Variants in TUBGCP4 observed in about 807,000 individuals in gnomAD.
The protein encoded by TUBGCP4 is gamma-tubulin complex component 4.
In TUBGCP4, 54 loss-of-function variants were observed where a neutral mutation model predicts 91.6. The ratio of observed to expected loss-of-function variants is 0.59; its 90% CI spans 0.47 to 0.74. The LOEUF is 0.74. TUBGCP4 is among the 30% of genes least tolerant of loss of function. TUBGCP4 has a pLI of 0.00. For missense variants in TUBGCP4, 593 were observed against 800.9 expected (o/e 0.74, Z 3.13); for synonymous variants, 297 against 302.8 (o/e 0.98, Z 0.20).
At chr15:43,402,839 GGTT>G in intron 15 of TUBGCP4, 1 of 152,310 alleles carries the variant, frequency 6.6e-6, no homozygotes. Flanking sequence ...GACATGAGCT[GGTT>G]GTTATTCCTC....
At chr15:43,382,822 T>A (rs1457239050) in intron 6 of TUBGCP4, among the ~76,000 whole-genome samples, 2 of 152,184 alleles carry the variant, frequency 1.3e-5, no homozygotes, top group Admixed American at 1.3e-4. Flanking sequence ...ATTCTGCATT[T>A]TGTTTTAGTT....
intron 1 of TUBGCP4, among the ~76,000 whole-genome samples, chr15:43,375,660 A>G (rs934406988): frequency 6.6e-6 from 1 of 152,342 alleles, no homozygotes; most frequent in African/African-American, 2.4e-5. Flanking sequence ...GAAAACTTCT[A>G]TAGGGAATTT....
chr15:43,395,077 T>C, intron 9 of TUBGCP4, 30 bp from the exon 10 acceptor site: 1 of 1,613,360 alleles, frequency 6.2e-7, no homozygotes, highest in Non-Finnish European at 8.5e-7. Context: ...GTAATGAAAT[T>C]TGTCCCTGTT....
Position 43,371,440 on chromosome 15 carries a change from C to T in TUBGCP4, c.78+8C>T, listed in dbSNP as rs762807310. 6.2e-7 allele frequency: 1 copy of T among 1,613,916 alleles called. No homozygotes were observed. Among genetic ancestry groups the T allele is most frequent in the East Asian group, 2.2e-5 (1 of 44,856 alleles). On this transcript the variant is annotated splice_region_variant and intron_variant, in intron 1 of 17. Coordinates refer to ENST00000564079, the MANE Select transcript of TUBGCP4 (RefSeq NM_014444.5). ...AAGCGGAGTGGCCTGCAGGTACTGT[C>T]CGGCGCAGAGCGCGGGAACCAGGGA...
At position 43,407,723 on chromosome 15, in the gene TUBGCP4, G is replaced by GAGTT. The variant is rs1205555158; in HGVS notation, c.*2511_*2514dup. The stretch of plus-strand genomic sequence containing the variant: ...CTGCTACTGATCATGACCAAAGGCA[G>GAGTT]AGTTATAATCACTATGTGCTGACCT... On this transcript the variant is annotated 3_prime_UTR_variant, in exon 18 of 18. Coordinates refer to ENST00000564079, the MANE Select transcript of TUBGCP4 (RefSeq NM_014444.5). The GAGTT allele has an allele frequency of 8.5e-6, 7 of 823,202 alleles. No homozygotes were observed. Among genetic ancestry groups the GAGTT allele is most frequent in the African/African-American group, 5.2e-5 (3 of 57,992 alleles). The allele number at this position is 823,202 out of a possible 1,614,324, so 51.0% of individuals were successfully genotyped here. A position where few individuals can be genotyped will look rare whatever the true frequency, so the allele number is the denominator to read the frequency against.
chr15:43,397,984 G>A, intron 12 of TUBGCP4, 57 bp from the exon 13 acceptor site: 3 of 1,552,628 alleles, frequency 1.9e-6, no homozygotes, highest in South Asian at 2.4e-5. Context: ...TGAGTCTCTG[G>A]TTCTAGATTA....
intron 1 of TUBGCP4, among the ~76,000 whole-genome samples, chr15:43,371,802 C>T (rs2044128045): frequency 6.6e-6 from 1 of 152,128 alleles, no homozygotes. Flanking sequence ...ATACACAGCT[C>T]CCAAACACAT....
chr15:43,385,604 T>C, intron 7 of TUBGCP4, 187 bp from the exon 8 acceptor site: 1 of 611,578 alleles, frequency 1.6e-6, no homozygotes, highest in Non-Finnish European at 2.9e-6. Context: ...ATTTCCACCA[T>C]GCCACTCTGC....
intron 13 of TUBGCP4, chr15:43,399,041 T>G: frequency 1.3e-6 from 1 of 785,880 alleles, no homozygotes; most frequent in Non-Finnish European, 1.8e-6. Context: ...CTAAAAATTA[T>G]CTTTATGTTT....
At chr15:43,401,959 A>T in intron 15 of TUBGCP4, 109 bp downstream of exon 15, 1 of 1,396,300 alleles carries the variant, frequency 7.2e-7, no homozygotes, top group Non-Finnish European at 9.7e-7. Flanking sequence ...ATTCAAGTCC[A>T]TTTTAAAACA....
chr15:43,373,052 T>A (rs192422783), intron 1 of TUBGCP4, among the ~76,000 whole-genome samples: 1 of 152,308 alleles, frequency 6.6e-6, no homozygotes, highest in Non-Finnish European at 1.5e-5. Context: ...CTTTTACATT[T>A]GAGTAAAGGG....
chr15:43,399,072 C>G (rs1469641189), intron 13 of TUBGCP4: 6 of 1,168,340 alleles, frequency 5.1e-6, no homozygotes, highest in African/African-American at 1.6e-5. Flanking sequence ...AAATCAGTTT[C>G]CAAACAAGGT....
At chr15:43,396,429 G>T (rs1334056603) in intron 11 of TUBGCP4, among the ~76,000 whole-genome samples, 3 of 152,180 alleles carry the variant, frequency 2.0e-5, no homozygotes, top group African/African-American at 7.2e-5. Flanking sequence ...CATGAGTAGA[G>T]TTGGGTAAGG....
chr15:43,381,436 G>A (rs756755442), intron 6 of TUBGCP4, among the ~76,000 whole-genome samples: 1 of 152,026 alleles, frequency 6.6e-6, no homozygotes, highest in East Asian at 1.9e-4. Context: ...TGAAAGAAAC[G>A]TATAATAAAA....
At chr15:43,391,352 AC>A (rs2044465352) in intron 9 of TUBGCP4, 1 of 152,152 alleles carries the variant, frequency 6.6e-6, no homozygotes, top group Non-Finnish European at 1.5e-5. Context: ...GGTGCAAATC[AC>A]CATGCCCTGC....
In TUBGCP4 at chr15:43,409,771, A is replaced by C. The variant is rs973870372; in HGVS notation, c.*4557A>C. 3.5e-6 allele frequency: 4 copies of C among 1,157,892 alleles called. No individual in the cohort carries two copies. The highest frequency in any genetic ancestry group is 3.7e-6 in the Non-Finnish European group (3 of 820,946). 71.7% of individuals were successfully genotyped at this position (1,157,892 alleles called of 1,614,324 possible). A position where few individuals can be genotyped will look rare whatever the true frequency, so the allele number is the denominator to read the frequency against. Reference sequence around the variant, plus strand: ...ATTAAAAAAAAAAACCAAGATAATAATTACTGAGTGGTTTTCTTATTTGCT... The same window carrying C: ...ATTAAAAAAAAAAACCAAGATAATACTTACTGAGTGGTTTTCTTATTTGCT... On this transcript the variant is annotated 3_prime_UTR_variant, in exon 18 of 18. Coordinates refer to ENST00000564079, the MANE Select transcript of TUBGCP4 (RefSeq NM_014444.5).
Position 43,407,158 on chromosome 15 carries a change from A to ATG in TUBGCP4, c.*1946_*1947dup. The ATG allele has an allele frequency of 5.8e-6, 3 of 515,132 alleles. No individual in the cohort carries two copies. The South Asian group carries it at 7.4e-5, about 13-fold the overall frequency. 31.9% of individuals were successfully genotyped at this position (515,132 alleles called of 1,614,324 possible). The stretch of plus-strand genomic sequence containing the variant: ...TGTTGAAAGACTCAGAGAAAGTACT[A>ATG]TGTCTTGTCATTTGTTCTGAGATTA... On this transcript the variant is annotated 3_prime_UTR_variant, in exon 18 of 18. Transcript: ENST00000564079.
rs201999864 is a variant in TUBGCP4, at chr15:43,404,503, C to T, written c.1939C>T (p.Arg647Ter). Residue 647 changes from arginine to a stop codon, truncating the protein, a stop_gained, in exon 17 of 18, where the codon CGA (arginine) becomes TGA (stop). Transcript: ENST00000564079. LOFTEE classifies it high-confidence loss of function. ...INSDLAQLLL[R>*]LDYNKYYTQA... ...CTCAGATTTGGCTCAACTACTGTTA[C>T]GACTAGATTATAACAAATACTATAC... 39 of 1,613,990 alleles carry T rather than the reference C, an allele frequency of 2.4e-5. No homozygotes were observed. Among genetic ancestry groups the T allele is most frequent in the Non-Finnish European group, 3.1e-5 (37 of 1,180,030 alleles).
chr15:43,378,476 T>A (rs955136663), intron 5 of TUBGCP4, among the ~76,000 whole-genome samples: 2 of 152,270 alleles, frequency 1.3e-5, no homozygotes, highest in Non-Finnish European at 2.9e-5. Context: ...GGTCCACAAT[T>A]GGACCAAGTG....
Sources: gnomAD v4.1 joint callset for allele counts (sites outside exome capture counted in the v4.1 genomes callset) on GRCh38, gnomAD v4.1.1 for gene constraint, MANE v1.5 for transcripts, NCBI Gene and HGNC (gene_info 2026-07-23, HGNC 2026-07-21) for gene names.